SYNE2: variants seen among roughly 807,000 people sequenced by gnomAD.
SYNE2 encodes nesprin-2.
In SYNE2, 431 loss-of-function variants were observed where a neutral mutation model predicts 856.3. That is an observed-to-expected ratio of 0.50 (90% CI 0.47 to 0.55). The LOEUF is 0.55. Among genes scored for constraint, SYNE2 ranks in the 20% least tolerant of loss-of-function variants. SYNE2 has a pLI of 0.00. For synonymous variants in SYNE2, 2,923 were observed against 2,872.3 expected (o/e 1.02, Z -0.56); for missense variants, 8,129 against 8,023.2 (o/e 1.01, Z -0.50).
At chr14:63,792,284 C>T (rs1887764242) in intron 1 of SYNE2, among the ~76,000 whole-genome samples, 1 of 152,150 alleles carries the variant, frequency 6.6e-6, no homozygotes, top group Non-Finnish European at 1.5e-5. Flanking sequence ...GCTGGAGTCA[C>T]CTGTAATCCC....
chr14:63,883,180 T>C (rs1463239823), intron 1 of SYNE2, among the ~76,000 whole-genome samples: 1 of 152,128 alleles, frequency 6.6e-6, no homozygotes, highest in Non-Finnish European at 1.5e-5. Flanking sequence ...TACCTCAGCC[T>C]CCTGAGTAGC....
intron 14 of SYNE2, among the ~76,000 whole-genome samples, chr14:63,979,798 G>A (rs1337925550): frequency 6.6e-6 from 1 of 152,156 alleles, no homozygotes; most frequent in Admixed American, 6.5e-5. Flanking sequence ...TACTTGGGAG[G>A]CTGAGGCAGG....
intron 81 of SYNE2, 95 bp downstream of exon 81, chr14:64,141,618 C>A: frequency 7.5e-7 from 1 of 1,340,968 alleles, no homozygotes; most frequent in Non-Finnish European, 1.1e-6. Context: ...TTTTCATTGA[C>A]ACTACCTATT....
At chr14:64,102,264 A>G (rs979065642) in intron 64 of SYNE2, among the ~76,000 whole-genome samples, 1 of 152,074 alleles carries the variant, frequency 6.6e-6, no homozygotes, top group Admixed American at 6.6e-5. Flanking sequence ...TTACAGGCAC[A>G]CGTCACCACG....
chr14:64,142,798 C>A (rs2098150023), intron 82 of SYNE2, among the ~76,000 whole-genome samples: 1 of 152,146 alleles, frequency 6.6e-6, no homozygotes, highest in Admixed American at 6.6e-5. Flanking sequence ...ATATTGAGAT[C>A]CTTCTACAAA....
In SYNE2 at chr14:64,010,087, A is replaced by G. The variant is rs2096831706; in HGVS notation, c.4699A>G (p.Lys1567Glu). The change falls in exon 32 of 116, where the codon AAG becomes GAG. Residue 1567 changes from lysine (K) to glutamate (E), a missense_variant. Lys to Glu is a moderately conservative substitution (Grantham distance 56, BLOSUM62 1). Around this residue, in one of 3 missense-constraint regions of SYNE2, gnomAD observed 2,422 missense variants for 2,357.4 expected, o/e 1.03. Transcript: ENST00000555002. ...VISLQASYMG[K>E]ENLKKRIAEI... ...CTCCCTGCAGGCTTCGTACATGGGA[A>G]AGGAGAACCTGAAGAAAAGGATAGC... is the stretch of plus-strand genomic sequence containing the variant. 2 of 1,613,670 alleles carry G rather than the reference A, an allele frequency of 1.2e-6. No individual in the cohort carries two copies. Among genetic ancestry groups the G allele is most frequent in the Non-Finnish European group, 8.5e-7 (1 of 1,179,734 alleles).
intron 1 of SYNE2, among the ~76,000 whole-genome samples, chr14:63,840,437 TCCTTCCTTCCTTCCTC>T (rs757776760): frequency 0.054 from 5,873 of 109,032 alleles, 265 homozygotes; most frequent in South Asian, 0.12. Flanking sequence ...CTTCCTTCCT[TCCTTCCTTCCTTCCTC>T]CCTCCCTCCC....
intron 111 of SYNE2, among the ~76,000 whole-genome samples, chr14:64,221,161 GGT>G (rs1271675561): frequency 6.6e-6 from 1 of 152,098 alleles, no homozygotes; most frequent in Non-Finnish European, 1.5e-5. Context: ...ATGCACAGCG[GGT>G]GTGAGCTCTG....
intron 26 of SYNE2, 145 bp from the exon 27 acceptor site, chr14:63,998,769 G>T (rs2096732250): frequency 3.3e-5 from 26 of 788,876 alleles, no homozygotes; most frequent in Middle Eastern, 6.9e-4. Flanking sequence ...CGCCATGTTG[G>T]CCAGGCTGGT....
In SYNE2 at chr14:64,215,400, C is replaced by T. The variant is rs755088458; in HGVS notation, c.19402+46C>T. On this transcript the variant is annotated intron_variant, in intron 107 of 115. Coordinates refer to ENST00000555002, the MANE Select transcript of SYNE2 (RefSeq NM_182914.3). Reference sequence around the variant, plus strand: ...GTGTCAACATGGCAGCATCCTGTGGCGCACACTGCATCCTCAACCTCGCTC... The same window carrying T: ...GTGTCAACATGGCAGCATCCTGTGGTGCACACTGCATCCTCAACCTCGCTC... 4.2e-5 allele frequency: 67 copies of T among 1,578,160 alleles called. 1 individual carries two copies. The highest frequency in any genetic ancestry group is 3.4e-4 in the South Asian group (31 of 90,380).
rs2098387038 is a variant in SYNE2, at chr14:64,167,517, A to C, written c.16783A>C (p.Asn5595His). 8 of 1,614,210 alleles carry C rather than the reference A, an allele frequency of 5.0e-6. No individual in the cohort carries two copies. The highest frequency in any genetic ancestry group is 2.2e-5 in the East Asian group (1 of 44,890). ...RCSELQGIGL[N>H]EKFLYCCEKW... ...TAGTGAGCTTCAGGGAATTGGATTGAATGAAAAGTTTCTTTATTGCTGTGA... is the reference window on the plus strand; with the variant it reads ...TAGTGAGCTTCAGGGAATTGGATTGCATGAAAAGTTTCTTTATTGCTGTGA... Residue 5595 changes from asparagine (N) to histidine (H), a missense_variant, in exon 92 of 116, where the codon AAT (asparagine) becomes CAT (histidine). Coordinates refer to ENST00000555002, the MANE Select transcript of SYNE2 (RefSeq NM_182914.3).
rs144432661 is a variant in SYNE2, at chr14:64,073,139, C to T, written c.10698-829C>T. On this transcript the variant is annotated intron_variant, in intron 52 of 115. Coordinates refer to ENST00000555002, the MANE Select transcript of SYNE2 (RefSeq NM_182914.3). ...GATTGATTATGTAATTGGCCATTGG[C>T]GATCAACTCAACCTTCAGCTTCTGT... is the stretch of plus-strand genomic sequence containing the variant. Among the ~76,000 whole-genome samples the T allele has an allele frequency of 4.5e-3, 687 of 152,184 alleles. 20 individuals are homozygous for T. The highest frequency in any genetic ancestry group is 0.04 in the Admixed American group (606 of 15,284).
At position 63,944,824 on chromosome 14, in the gene SYNE2, C is replaced by CTTTTTTTTTTTTTTTTT. The variant is rs55906748; in HGVS notation, c.408+2690_408+2706dup. ...GTGAGCCACCGTGCTGGGCTTAAAGCTTTTTTTTTTTTTTTTTTTTTTTTT... is the reference window on the plus strand; with the variant it reads ...GTGAGCCACCGTGCTGGGCTTAAAGCTTTTTTTTTTTTTTTTTTTTTTTTTTTTTTTTTTTTTTTTTT... On this transcript the variant is annotated intron_variant, in intron 6 of 115. Transcript: ENST00000555002. Among the ~76,000 whole-genome samples, 65 of 46,948 alleles carry CTTTTTTTTTTTTTTTTT rather than the reference C, an allele frequency of 1.4e-3. 4 individuals are homozygous for CTTTTTTTTTTTTTTTTT. Among genetic ancestry groups the CTTTTTTTTTTTTTTTTT allele is most frequent in the Non-Finnish European group, 1.6e-3 (45 of 27,654 alleles). 30.8% of individuals were successfully genotyped at this position (46,948 alleles called of 152,430 possible). A position where few individuals can be genotyped will look rare whatever the true frequency, so the allele number is the denominator to read the frequency against.
Position 64,219,287 on chromosome 14 carries a change from G to T in SYNE2, c.19737G>T (p.Leu6579=), listed in dbSNP as rs1385616032. 6 of 1,613,812 alleles carry T rather than the reference G, an allele frequency of 3.7e-6. No homozygotes were observed. The highest frequency in any genetic ancestry group is 5.1e-6 in the Non-Finnish European group (6 of 1,180,008). Residue 6579 remains leucine (L), a synonymous_variant, in exon 110 of 116, where the codon CTG becomes CTT. Coordinates refer to ENST00000555002, the MANE Select transcript of SYNE2 (RefSeq NM_182914.3). The part of the protein sequence containing the change: ...KLKIKQNLQQ[L]NSDISAITTW... ...AAATAAAACAAAATTTGCAACAGCTGAACTCTGATATCAGCGCCATCACTA... is the reference window on the plus strand; with the variant it reads ...AAATAAAACAAAATTTGCAACAGCTTAACTCTGATATCAGCGCCATCACTA...
chr14:64,026,721 C>A lies in SYNE2; in HGVS notation c.6395C>A (p.Thr2132Asn). ...QWDNTLHLASTYLSHQEKLLL... is the reference protein window; with the variant it reads ...QWDNTLHLASNYLSHQEKLLL... ...GACAACACACTCCATTTAGCTAGCA[C>A]CTACCTAAGGTAAAGGGCATGCCTG... The change falls in exon 42 of 116, where the codon ACC becomes AAC. Residue 2132 changes from threonine (T) to asparagine (N), a missense_variant. Thr to Asn is a moderately conservative substitution (Grantham distance 65). This residue lies in a region of SYNE2 where 297 missense variants were observed against 380.9 expected (regional missense o/e 0.78). Transcript: ENST00000555002. The A allele has an allele frequency of 6.2e-7, 1 of 1,608,446 alleles. No individual in the cohort carries two copies. Among genetic ancestry groups the A allele is most frequent in the Non-Finnish European group, 8.5e-7 (1 of 1,177,050 alleles).
intron 46 of SYNE2, 55 bp downstream of exon 46, chr14:64,048,210 A>G (rs2153571751): frequency 3.2e-6 from 5 of 1,566,190 alleles, no homozygotes; most frequent in East Asian, 2.3e-5. Context: ...CCAGTGCAAT[A>G]CAATATATTT....
In SYNE2 at chr14:64,174,935, T is replaced by C; in HGVS notation, c.17236-9T>C. ...AACCTAAGCAAATTACTTCTCTTTT[T>C]TTTCTTAGAATAAAGAAATTCATTT... On this transcript the variant is annotated splice_polypyrimidine_tract_variant and intron_variant, in intron 94 of 115. Transcript: ENST00000555002. 6 of 1,613,526 alleles carry C rather than the reference T, an allele frequency of 3.7e-6. No homozygotes were observed. The highest frequency in any genetic ancestry group is 1.7e-6 in the Non-Finnish European group (2 of 1,179,508).
At chr14:63,985,329 CAAA>C (rs11399582) in intron 18 of SYNE2, among the ~76,000 whole-genome samples, 1 of 82,422 alleles carries the variant, frequency 1.2e-5, no homozygotes. Flanking sequence ...GGCTCCATCT[CAAA>C]AAAAAAAAAA....
rs369621908 is a variant in SYNE2 at position 63,965,124 on chromosome 14, G to A, written c.990+1124G>A. Among the ~76,000 whole-genome samples the A allele has an allele frequency of 4.4e-3, 663 of 151,772 alleles. 5 individuals carry two copies. The highest frequency in any genetic ancestry group is 0.015 in the African/African-American group (640 of 41,388). On this transcript the variant is annotated intron_variant, in intron 10 of 115. Transcript: ENST00000555002. ...TTTACAGGCATCCGCCACCAGGCCC[G>A]GCTAATTTTTATATTTTTAGTGGAG...
Sources: gnomAD v4.1 joint callset for allele counts (sites outside exome capture counted in the v4.1 genomes callset) on GRCh38, gnomAD v4.1.1 for gene constraint, gnomAD v4.1.1 regional missense constraint, MANE v1.5 for transcripts, NCBI Gene and HGNC (gene_info 2026-07-23, HGNC 2026-07-21) for gene names.